The following MCTP1 variants were observed in gnomAD, a reference collection of about 807,000 sequenced individuals.
MCTP1 encodes the protein multiple C2 and transmembrane domain-containing protein 1.
In MCTP1, 69 loss-of-function variants were observed where a neutral mutation model predicts 120.6. The ratio of observed to expected loss-of-function variants is 0.57; its 90% CI spans 0.47 to 0.70. MCTP1 has a LOEUF of 0.70. MCTP1 is among the 30% of genes least tolerant of loss of function. MCTP1 has a pLI of 0.00. For synonymous variants in MCTP1, 529 were observed against 493.1 expected (o/e 1.07, Z -0.96); for missense variants, 1,203 against 1,248.8 (o/e 0.96, Z 0.55).
chr5:94,881,042 G>A (rs1319516386), intron 12 of MCTP1, among the ~76,000 whole-genome samples: 1 of 152,094 alleles, frequency 6.6e-6, no homozygotes, highest in Non-Finnish European at 1.5e-5. Flanking sequence ...CTGATCTATA[G>A]AGGATATTAA....
rs532445186 is a variant in MCTP1 at position 95,248,216 on chromosome 5, A to G, written c.720+35640T>C. ...AGAAATAAAGGGTATTCGACTAGGAAAAGAGGAAGTCAAATTGTCTCTGTT... is the reference window on the plus strand; with the variant it reads ...AGAAATAAAGGGTATTCGACTAGGAGAAGAGGAAGTCAAATTGTCTCTGTT... On this transcript the variant is annotated intron_variant, in intron 1 of 22. Coordinates refer to ENST00000515393, the MANE Select transcript of MCTP1 (RefSeq NM_024717.7). Among the ~76,000 whole-genome samples, 6 of 152,314 alleles carry G rather than the reference A, an allele frequency of 3.9e-5. No homozygotes were observed. In the East Asian group the frequency reaches 9.7e-4, roughly 25 times the overall value.
At chr5:94,773,631 G>C (rs1221890533) in intron 19 of MCTP1, among the ~76,000 whole-genome samples, 1 of 152,154 alleles carries the variant, frequency 6.6e-6, no homozygotes, top group African/African-American at 2.4e-5. Flanking sequence ...AGGTTGAATT[G>C]ACTCACAATT....
chr5:94,866,040 A>G (rs907446571), intron 17 of MCTP1, among the ~76,000 whole-genome samples: 2 of 151,998 alleles, frequency 1.3e-5, no homozygotes, highest in Non-Finnish European at 1.5e-5. Context: ...GAAGTAGTTT[A>G]GAATATAAAT....
At chr5:95,198,249 TTGCTGTAAAAATAA>T (rs1750614370) in intron 1 of MCTP1, among the ~76,000 whole-genome samples, 1 of 152,270 alleles carries the variant, frequency 6.6e-6, no homozygotes, top group South Asian at 2.1e-4. Context: ...CATTACTTTA[TTGCTGTAAAAATAA>T]TGAATTTCCA....
chr5:95,106,322 G>A (rs1203446338), intron 1 of MCTP1, among the ~76,000 whole-genome samples: 5 of 152,224 alleles, frequency 3.3e-5, no homozygotes, highest in Non-Finnish European at 7.3e-5. Flanking sequence ...TTCCAGAAAA[G>A]GCTAGCTGAC....
At chr5:95,237,789 A>G (rs1755717757) in intron 1 of MCTP1, among the ~76,000 whole-genome samples, 1 of 152,120 alleles carries the variant, frequency 6.6e-6, no homozygotes, top group Non-Finnish European at 1.5e-5. Flanking sequence ...TCTGTGAAAC[A>G]TCTAGTGGGA....
At chr5:95,224,405 C>G (rs1429987880) in intron 1 of MCTP1, among the ~76,000 whole-genome samples, 1 of 152,072 alleles carries the variant, frequency 6.6e-6, no homozygotes, top group East Asian at 1.9e-4. Context: ...TACTCTAACA[C>G]ATCCCAAAGA....
At chr5:95,011,011 T>C (rs753035974) in intron 2 of MCTP1, among the ~76,000 whole-genome samples, 2 of 152,134 alleles carry the variant, frequency 1.3e-5, no homozygotes, top group African/African-American at 2.4e-5. Flanking sequence ...AGAAATGACG[T>C]GCTGTTTTCA....
chr5:94,703,969 G>C lies in MCTP1; in HGVS notation c.*3527C>G, dbSNP rs990749303. On this transcript the variant is annotated 3_prime_UTR_variant, in exon 23 of 23. Coordinates refer to ENST00000515393, the MANE Select transcript of MCTP1 (RefSeq NM_024717.7). ...CTATATAAAAGAAACTGAGGTACCA[G>C]AGGGTAACATTTTCACCAAAAAAAA... 6.8e-6 allele frequency: 1 copy of C among 147,702 alleles called. No individual in the cohort carries two copies. Among genetic ancestry groups the C allele is most frequent in the Admixed American group, 6.8e-5 (1 of 14,710 alleles). The allele number at this position is 147,702 out of a possible 1,614,324, so 9.1% of individuals were successfully genotyped here.
intron 1 of MCTP1, among the ~76,000 whole-genome samples, chr5:95,272,827 A>T (rs34108004): frequency 3.2e-4 from 48 of 152,324 alleles, no homozygotes; most frequent in African/African-American, 1.1e-3. Flanking sequence ...CAAAGGGAGC[A>T]GAGAGAGGCT....
chr5:94,750,083 GAC>G (rs1767934949), intron 19 of MCTP1, among the ~76,000 whole-genome samples: 1 of 152,222 alleles, frequency 6.6e-6, no homozygotes, highest in South Asian at 2.1e-4. Flanking sequence ...ATGAGAAAAA[GAC>G]AGAAAATAGC....
At chr5:94,940,241 A>T in intron 4 of MCTP1, 46 bp from the exon 5 acceptor site, 1 of 1,088,940 alleles carries the variant, frequency 9.2e-7, no homozygotes, top group Non-Finnish European at 1.3e-6. Context: ...TAAATGAATA[A>T]GCCAAATATA....
chr5:94,715,567 A>G (rs1295605466), intron 19 of MCTP1, among the ~76,000 whole-genome samples: 1 of 152,134 alleles, frequency 6.6e-6, no homozygotes, highest in Non-Finnish European at 1.5e-5. Flanking sequence ...ATTTTAAAAC[A>G]TACTGAATTT....
At chr5:95,158,494 T>A (rs1745366392) in intron 1 of MCTP1, among the ~76,000 whole-genome samples, 1 of 152,198 alleles carries the variant, frequency 6.6e-6, no homozygotes, top group South Asian at 2.1e-4. Flanking sequence ...CTGGTACTTT[T>A]TAAGAAGGAT....
chr5:94,973,760 T>C (rs1827429117), intron 2 of MCTP1, among the ~76,000 whole-genome samples: 1 of 152,094 alleles, frequency 6.6e-6, no homozygotes, highest in Non-Finnish European at 1.5e-5. Flanking sequence ...GATTGCTTAG[T>C]ATATTTCTGA....
At chr5:95,142,599 G>A (rs1247422938) in intron 1 of MCTP1, among the ~76,000 whole-genome samples, 2 of 152,070 alleles carry the variant, frequency 1.3e-5, no homozygotes, top group Non-Finnish European at 2.9e-5. Context: ...GGGACTGGAA[G>A]AAAAAAGTCA....
At position 95,061,408 on chromosome 5, in the gene MCTP1, GTTTTTTTTTTTTTTTTTTTTT is replaced by G. The variant is rs556663513; in HGVS notation, c.721-43945_721-43925del. Among the ~76,000 whole-genome samples the G allele has an allele frequency of 4.0e-3, 133 of 33,478 alleles. 3 individuals carry two copies. Among genetic ancestry groups the G allele is most frequent in the African/African-American group, 6.8e-3 (69 of 10,188 alleles). 22.0% of individuals were successfully genotyped at this position (33,478 alleles called of 152,430 possible). ...ATCAATTTTCACAAACCCCTTAAGGGTTTTTTTTTTTTTTTTTTTTTTTTTTTTTTTTTTTTTTTTTTTTTG... is the reference window on the plus strand; with the variant it reads ...ATCAATTTTCACAAACCCCTTAAGGGTTTTTTTTTTTTTTTTTTTTTTTTG... On this transcript the variant is annotated intron_variant, in intron 1 of 22. Coordinates refer to ENST00000515393, the MANE Select transcript of MCTP1 (RefSeq NM_024717.7).
At chr5:94,961,560 C>T (rs1409449048) in intron 2 of MCTP1, among the ~76,000 whole-genome samples, 1 of 152,126 alleles carries the variant, frequency 6.6e-6, no homozygotes, top group East Asian at 1.9e-4. Flanking sequence ...AAGGAAGGGA[C>T]TTCACATATG....
intron 1 of MCTP1, among the ~76,000 whole-genome samples, chr5:95,079,645 A>C (rs1754424197): frequency 6.6e-6 from 1 of 152,164 alleles, no homozygotes; most frequent in South Asian, 2.1e-4. Flanking sequence ...TAGCATGATG[A>C]TAAATTCCAC....
Sources: allele counts gnomAD v4.1 joint callset (sites outside exome capture counted in the v4.1 genomes callset), GRCh38; gene constraint gnomAD v4.1.1; transcripts MANE v1.5; gene names NCBI Gene and HGNC (gene_info 2026-07-23, HGNC 2026-07-21).